LEKR1: variants seen among roughly 807,000 people sequenced by gnomAD.
LEKR1 encodes the protein leucine, glutamate and lysine rich 1.
Under a neutral mutation model 72.4 loss-of-function variants are expected in LEKR1, and 59 were observed. The observed-to-expected ratio is 0.82, with a 90% CI of 0.66 to 1.01. The LOEUF (loss-of-function observed/expected upper bound fraction) is 1.01, where lower values mean the gene tolerates loss of function less well. Among genes scored for constraint, LEKR1 ranks in the 50% least tolerant of loss-of-function variants. The pLI, the probability that LEKR1 is intolerant of heterozygous loss-of-function variation, is 0.00. For synonymous variants in LEKR1, 257 were observed against 263.2 expected (o/e 0.98, Z 0.23); for missense variants, 728 against 759.2 (o/e 0.96, Z 0.48).
chr3:156,862,690 A>G (rs1716902884), intron 3 of LEKR1, among the ~76,000 whole-genome samples: 2 of 152,040 alleles, frequency 1.3e-5, no homozygotes, highest in African/African-American at 4.8e-5. Context: ...CTAAATATTG[A>G]CTAATTTCAC....
intron 3 of LEKR1, among the ~76,000 whole-genome samples, chr3:156,863,205 C>G (rs1197782368): frequency 1.3e-5 from 2 of 152,000 alleles, no homozygotes; most frequent in African/African-American, 4.8e-5. Context: ...CGAGATAATT[C>G]AGTAGAGTAA....
intron 12 of LEKR1, among the ~76,000 whole-genome samples, chr3:157,034,356 G>A (rs1213007143): frequency 2.0e-5 from 3 of 152,104 alleles, no homozygotes; most frequent in African/African-American, 7.2e-5. Flanking sequence ...CTAATTCATG[G>A]GTAGAGGATA....
chr3:156,986,094 A>G (rs1441650266), intron 7 of LEKR1, among the ~76,000 whole-genome samples: 1 of 152,212 alleles, frequency 6.6e-6, no homozygotes, highest in East Asian at 1.9e-4. Context: ...TGGAGCCTTC[A>G]GAAGGAACAC....
At chr3:156,909,042 T>G (rs62275763) in intron 3 of LEKR1, among the ~76,000 whole-genome samples, 2 of 152,144 alleles carry the variant, frequency 1.3e-5, no homozygotes, top group Admixed American at 6.5e-5. Context: ...ATAAGTCTCA[T>G]GAGAGCTGAT....
At chr3:156,838,523 A>C (rs344083) in intron 2 of LEKR1, among the ~76,000 whole-genome samples, 50,999 of 152,086 alleles carry the variant, frequency 0.34, 11,191 homozygotes, top group African/African-American at 0.62. Context: ...AAACCAAGAC[A>C]CTTGAAGGAG....
chr3:157,004,461 A>C (rs1345531187), intron 9 of LEKR1, among the ~76,000 whole-genome samples: 1 of 152,162 alleles, frequency 6.6e-6, no homozygotes, highest in Non-Finnish European at 1.5e-5. Flanking sequence ...GAACTTTGTA[A>C]TCAATTAACA....
At chr3:156,886,721 C>T (rs1236126066) in intron 3 of LEKR1, among the ~76,000 whole-genome samples, 4 of 152,126 alleles carry the variant, frequency 2.6e-5, no homozygotes, top group Non-Finnish European at 5.9e-5. Flanking sequence ...TTCAGATTCC[C>T]CAGTGGGGAT....
chr3:156,936,312 A>C (rs1185861075), intron 5 of LEKR1, among the ~76,000 whole-genome samples: 1 of 151,992 alleles, frequency 6.6e-6, no homozygotes, highest in Non-Finnish European at 1.5e-5. Flanking sequence ...TTCTTAATAC[A>C]TAAAGATATA....
At chr3:156,965,876 T>C (rs1286283389) in intron 6 of LEKR1, among the ~76,000 whole-genome samples, 1 of 152,226 alleles carries the variant, frequency 6.6e-6, no homozygotes, top group Non-Finnish European at 1.5e-5. Context: ...TATTTTTGCA[T>C]GTGCAAGGGT....
intron 9 of LEKR1, among the ~76,000 whole-genome samples, chr3:157,004,732 G>T (rs914924633): frequency 1.3e-5 from 2 of 151,654 alleles, no homozygotes; most frequent in African/African-American, 4.8e-5. Context: ...ATAAGACAGT[G>T]GTCAAATAAA....
At chr3:156,901,217 CT>C (rs954756052) in intron 3 of LEKR1, among the ~76,000 whole-genome samples, 5 of 150,218 alleles carry the variant, frequency 3.3e-5, no homozygotes, top group East Asian at 2.0e-4. Context: ...AACGTCATTC[CT>C]TTTTTTTTTC....
At chr3:156,959,943 C>T (rs1388572237) in intron 6 of LEKR1, among the ~76,000 whole-genome samples, 3 of 151,934 alleles carry the variant, frequency 2.0e-5, no homozygotes, top group Admixed American at 6.6e-5. Flanking sequence ...TACCTTTCAT[C>T]CCCCCCACCC....
intron 7 of LEKR1, among the ~76,000 whole-genome samples, chr3:156,989,954 A>G (rs1336268301): frequency 6.6e-6 from 1 of 152,152 alleles, no homozygotes; most frequent in Non-Finnish European, 1.5e-5. Flanking sequence ...AAATTTACAT[A>G]CAATACTTTA....
intron 5 of LEKR1, among the ~76,000 whole-genome samples, chr3:156,939,862 T>C (rs1046784888): frequency 1.3e-5 from 2 of 152,174 alleles, no homozygotes; most frequent in Admixed American, 6.6e-5. Context: ...TGTTGAACTT[T>C]TAAAATTCAA....
intron 5 of LEKR1, among the ~76,000 whole-genome samples, chr3:156,940,615 A>T (rs1008799788): frequency 5.9e-5 from 9 of 152,198 alleles, no homozygotes; most frequent in African/African-American, 1.9e-4. Flanking sequence ...TGCAAAAGGT[A>T]AGTTAATTCA....
intron 2 of LEKR1, among the ~76,000 whole-genome samples, chr3:156,834,835 T>A (rs576651253): frequency 2.6e-5 from 4 of 152,240 alleles, no homozygotes; most frequent in Non-Finnish European, 5.9e-5. Context: ...AATGTCTAAA[T>A]TTTGAAGATG....
intron 6 of LEKR1, among the ~76,000 whole-genome samples, chr3:156,969,594 G>A (rs1194895309): frequency 6.6e-6 from 1 of 152,114 alleles, no homozygotes; most frequent in Non-Finnish European, 1.5e-5. Flanking sequence ...TCTCTGAATA[G>A]ACCAATAACA....
intron 3 of LEKR1, among the ~76,000 whole-genome samples, chr3:156,887,770 G>A (rs1331564551): frequency 6.6e-6 from 1 of 151,936 alleles, no homozygotes; most frequent in Non-Finnish European, 1.5e-5. Flanking sequence ...TGGGATTGGG[G>A]TAATCTTTCT....
chr3:156,857,395 A>G (rs1716201275), intron 3 of LEKR1, among the ~76,000 whole-genome samples: 2 of 152,126 alleles, frequency 1.3e-5, no homozygotes. Context: ...CCTTAAATAT[A>G]TGTATTTCTA....
Sources: gnomAD v4.1 joint callset for allele counts (sites outside exome capture counted in the v4.1 genomes callset) on GRCh38, gnomAD v4.1.1 for gene constraint, MANE v1.5 for transcripts, NCBI Gene and HGNC (gene_info 2026-07-23, HGNC 2026-07-21) for gene names.